Variants in NRG1 observed in about 807,000 individuals in gnomAD.
The protein encoded by NRG1 is pro-neuregulin-1, membrane-bound isoform.
NRG1 carries 18 observed loss-of-function variants against 63.8 expected under a neutral mutation model. That is an observed-to-expected ratio of 0.28 (90% CI 0.19 to 0.42). The LOEUF is 0.42. Among genes scored for constraint, NRG1 ranks in the 10% least tolerant of loss-of-function variants. The pLI is 1.00. For synonymous variants in NRG1, 302 were observed against 301.3 expected, an observed-to-expected ratio of 1.00 and a Z score of -0.02; for missense variants, 762 against 814.7, an observed-to-expected ratio of 0.94 and a Z score of 0.79.
intron 1 of NRG1, among the ~76,000 whole-genome samples, chr8:31,852,550 T>G (rs865818635): frequency 2.3e-4 from 35 of 151,908 alleles, no homozygotes; most frequent in African/African-American, 6.5e-4. Context: ...TTTCTCCCAT[T>G]TTGTAGGTTG....
intron 1 of NRG1, among the ~76,000 whole-genome samples, chr8:32,318,101 G>C (rs1392188933): frequency 6.6e-6 from 1 of 152,130 alleles, no homozygotes; most frequent in Non-Finnish European, 1.5e-5. Flanking sequence ...ACAAGGTTTG[G>C]TATTTTGAAG....
At chr8:32,760,398 T>C (rs1160586918) in exon 11 of NRG1, 1 of 1,613,426 alleles carries the variant, frequency 6.2e-7, no homozygotes, top group Admixed American at 1.7e-5. Flanking sequence ...ACTCTCCTCA[T>C]AGTGAAAGGT....
In NRG1 at chr8:31,659,500, C is replaced by G. The variant is rs967287003; in HGVS notation, c.37+20069C>G. Among the ~76,000 whole-genome samples, 3 of 152,064 alleles carry G rather than the reference C, an allele frequency of 2.0e-5. No individual in the cohort carries two copies. The East Asian group carries it at 5.8e-4, about 29-fold the overall frequency. ...CTCCCCCAGGGGCGAGGGGGGATAC[C>G]TCCTTTCTGAACCTCATGCTGAACC... On this transcript the variant is annotated intron_variant, in intron 1 of 10. Transcript: ENST00000519301.
intron 1 of NRG1, among the ~76,000 whole-genome samples, chr8:31,677,545 G>T (rs558188754): frequency 7.7e-4 from 117 of 152,272 alleles, no homozygotes; most frequent in Non-Finnish European, 1.5e-3. Context: ...ATTTGAGGCT[G>T]CAGTGAGCTG....
chr8:32,417,545 C>T (rs1383648812), intron 1 of NRG1, among the ~76,000 whole-genome samples: 2 of 152,116 alleles, frequency 1.3e-5, no homozygotes. Flanking sequence ...TATTCAGATC[C>T]ATAGAACACT....
chr8:31,834,106 G>A (rs1434894716), intron 1 of NRG1, among the ~76,000 whole-genome samples: 1 of 152,080 alleles, frequency 6.6e-6, no homozygotes, highest in East Asian at 1.9e-4. Flanking sequence ...ATTTAAACCT[G>A]CCCTATCAAT....
intron 1 of NRG1, among the ~76,000 whole-genome samples, chr8:32,089,611 ATCC>A (rs1350256493): frequency 6.6e-6 from 1 of 152,156 alleles, no homozygotes; most frequent in Non-Finnish European, 1.5e-5. Context: ...AGATAGAAAA[ATCC>A]TCCTTTCAGC....
intron 3 of NRG1, among the ~76,000 whole-genome samples, chr8:32,607,431 C>G (rs956621279): frequency 1.2e-4 from 19 of 152,106 alleles, no homozygotes; most frequent in African/African-American, 4.6e-4. Flanking sequence ...ACCACAAAGT[C>G]CCAGGAAAAT....
intron 1 of NRG1, among the ~76,000 whole-genome samples, chr8:31,928,035 A>G (rs1585831217): frequency 6.8e-6 from 1 of 148,092 alleles, no homozygotes; most frequent in Non-Finnish European, 1.5e-5. Flanking sequence ...GTATGTTTTT[A>G]TTATGCAAAT....
chr8:32,171,930 G>A (rs1292332651), intron 1 of NRG1, among the ~76,000 whole-genome samples: 2 of 152,156 alleles, frequency 1.3e-5, no homozygotes, highest in African/African-American at 4.8e-5. Context: ...GCAGGGAATA[G>A]CCAAACAAAA....
At chr8:32,402,255 GT>G (rs1477648111) in intron 1 of NRG1, among the ~76,000 whole-genome samples, 3 of 151,962 alleles carry the variant, frequency 2.0e-5, no homozygotes, top group Non-Finnish European at 4.4e-5. Context: ...CTTACCCTTT[GT>G]AGCTCATTGT....
intron 1 of NRG1, among the ~76,000 whole-genome samples, chr8:32,222,118 CAT>C (rs1697686822): frequency 6.6e-6 from 1 of 151,964 alleles, no homozygotes. Context: ...TAAATGTATA[CAT>C]GTTTTCAGTA....
In NRG1 at chr8:32,501,473, A is replaced by C. The variant is rs1360384987; in HGVS notation, c.38-94355A>C. On this transcript the variant is annotated intron_variant, in intron 1 of 10. Coordinates refer to the NRG1 transcript ENST00000519301. Reference sequence around the variant, plus strand: ...ACAAACTGAGAGAACAAATCCTTTGAGAGTTTTCCAGGGGCCCTCTGGGAA... The same window carrying C: ...ACAAACTGAGAGAACAAATCCTTTGCGAGTTTTCCAGGGGCCCTCTGGGAA... Among the ~76,000 whole-genome samples, 5 of 152,222 alleles carry C rather than the reference A, an allele frequency of 3.3e-5. No homozygotes were observed. The East Asian group carries it at 9.6e-4, about 29-fold the overall frequency.
At chr8:32,360,431 T>A (rs949406197) in intron 1 of NRG1, among the ~76,000 whole-genome samples, 1 of 152,206 alleles carries the variant, frequency 6.6e-6, no homozygotes, top group African/African-American at 2.4e-5. Context: ...CATTCTCAGA[T>A]GTAGAAGCAA....
chr8:32,341,204 C>T (rs919031457), intron 1 of NRG1, among the ~76,000 whole-genome samples: 6 of 152,126 alleles, frequency 3.9e-5, no homozygotes, highest in South Asian at 2.1e-4. Flanking sequence ...TGCAGAAACC[C>T]GAATTCCAGA....
intron 1 of NRG1, among the ~76,000 whole-genome samples, chr8:31,913,017 C>T (rs1017233883): frequency 3.9e-5 from 6 of 152,134 alleles, no homozygotes; most frequent in African/African-American, 1.2e-4. Context: ...GTAATAAACT[C>T]TATTCAGGCA....
chr8:32,353,473 T>C (rs896350379), intron 1 of NRG1, among the ~76,000 whole-genome samples: 8 of 152,054 alleles, frequency 5.3e-5, no homozygotes, highest in South Asian at 2.1e-4. Flanking sequence ...ATTATTGTTG[T>C]AATTAATATA....
chr8:31,828,027 G>A (rs1020842562), intron 1 of NRG1, among the ~76,000 whole-genome samples: 3 of 152,184 alleles, frequency 2.0e-5, no homozygotes, highest in African/African-American at 7.2e-5. Context: ...AATAGTTCAG[G>A]CACTGAATAA....
At chr8:32,423,535 C>A (rs921070912) in intron 1 of NRG1, among the ~76,000 whole-genome samples, 2 of 152,092 alleles carry the variant, frequency 1.3e-5, no homozygotes, top group African/African-American at 4.8e-5. Context: ...GTCCCAGCTA[C>A]CCGAGAAGCT....
Sources: gnomAD v4.1 joint callset for allele counts (sites outside exome capture counted in the v4.1 genomes callset) on GRCh38, gnomAD v4.1.1 for gene constraint, MANE v1.5 for transcripts, NCBI Gene and HGNC (gene_info 2026-07-23, HGNC 2026-07-21) for gene names.